Variants in SLC8A1 observed in about 807,000 individuals in gnomAD.
SLC8A1 encodes the protein solute carrier family 8 member A1, also known as sodium/calcium exchanger 1.
Under a neutral mutation model 68.3 loss-of-function variants are expected in SLC8A1, and 18 were observed. The observed-to-expected ratio is 0.26, with a 90% CI of 0.18 to 0.39. SLC8A1 has a LOEUF of 0.39. SLC8A1 is among the 10% of genes least tolerant of loss of function. The pLI is 1.00. For synonymous variants in SLC8A1, 475 were observed against 415.5 expected (o/e 1.14, Z -1.74); for missense variants, 985 against 1,156.7 (o/e 0.85, Z 2.15).
chr2:40,327,398 G>C (rs1035624285), intron 2 of SLC8A1, among the ~76,000 whole-genome samples: 1 of 152,128 alleles, frequency 6.6e-6, no homozygotes, highest in South Asian at 2.1e-4. Flanking sequence ...AGTCCCAAAA[G>C]AGGCATTATG....
intron 2 of SLC8A1, among the ~76,000 whole-genome samples, chr2:40,291,903 C>CTTTTTTTT (rs75778511): frequency 7.2e-6 from 1 of 138,242 alleles, no homozygotes; most frequent in South Asian, 2.3e-4. Context: ...GACATCTTTA[C>CTTTTTTTT]TTTTTTTTTT....
intron 2 of SLC8A1, among the ~76,000 whole-genome samples, chr2:40,394,103 C>G (rs1315498583): frequency 1.3e-5 from 2 of 152,014 alleles, no homozygotes; most frequent in Non-Finnish European, 2.9e-5. Context: ...CAGTAGTGCA[C>G]AGGACAGCCC....
At chr2:40,100,949 C>G (rs2033855599) in exon 8 of SLC8A1, 1 of 152,138 alleles carries the variant, frequency 6.6e-6, no homozygotes, top group African/African-American at 2.4e-5. Flanking sequence ...GTTAAGCTTA[C>G]ATTTCCAGCC....
intron 2 of SLC8A1, among the ~76,000 whole-genome samples, chr2:40,315,502 T>C (rs2074323866): frequency 1.3e-5 from 2 of 151,356 alleles, no homozygotes; most frequent in African/African-American, 4.8e-5. Flanking sequence ...TGTATCTATA[T>C]TTGCTACATC....
intron 2 of SLC8A1, among the ~76,000 whole-genome samples, chr2:40,362,262 T>C (rs905860173): frequency 4.0e-5 from 6 of 151,606 alleles, no homozygotes; most frequent in Non-Finnish European, 4.4e-5. Flanking sequence ...GTCTAATAGG[T>C]ACTGGAAAAT....
At chr2:40,264,865 A>C (rs1047678540) in intron 2 of SLC8A1, among the ~76,000 whole-genome samples, 7 of 152,092 alleles carry the variant, frequency 4.6e-5, no homozygotes, top group Non-Finnish European at 7.4e-5. Flanking sequence ...AATAGAGCAC[A>C]CATGTCATTA....
At chr2:40,130,475 G>C (rs2148197803) in intron 7 of SLC8A1, among the ~76,000 whole-genome samples, 1 of 152,366 alleles carries the variant, frequency 6.6e-6, no homozygotes, top group South Asian at 2.1e-4. Context: ...CCTGTGGAAA[G>C]CCATTTGAGT....
chr2:40,430,188 G>A (rs1257851283), exon 2 of SLC8A1: 1 of 1,613,588 alleles, frequency 6.2e-7, no homozygotes, highest in South Asian at 1.1e-5. Flanking sequence ...CAATTACATG[G>A]TCCACATGGG....
At chr2:40,180,800 G>T (rs1212358891) in intron 2 of SLC8A1, among the ~76,000 whole-genome samples, 1 of 152,212 alleles carries the variant, frequency 6.6e-6, no homozygotes, top group Admixed American at 6.5e-5. Context: ...GGGGATGGTA[G>T]AAGTAGCCTT....
chr2:40,288,802 A>G (rs1048337102), intron 2 of SLC8A1, among the ~76,000 whole-genome samples: 2 of 149,994 alleles, frequency 1.3e-5, no homozygotes. Flanking sequence ...CTTAAAAAAT[A>G]CTTTACTTCG....
At chr2:40,262,505 C>T (rs192654289) in intron 2 of SLC8A1, among the ~76,000 whole-genome samples, 20 of 152,146 alleles carry the variant, frequency 1.3e-4, no homozygotes, top group Admixed American at 2.0e-4. Context: ...AACAAATGAG[C>T]GAAATTCTAA....
intron 1 of SLC8A1, among the ~76,000 whole-genome samples, chr2:40,503,478 A>C (rs990296126): frequency 6.6e-6 from 1 of 152,022 alleles, no homozygotes; most frequent in Non-Finnish European, 1.5e-5. Flanking sequence ...CAACAGAAGG[A>C]TATAAAGGGC....
rs200438988 is a variant in SLC8A1, at chr2:40,325,299, G to T, written c.1808+103174C>A. On this transcript the variant is annotated intron_variant, in intron 2 of 7. Coordinates refer to ENST00000406785, the Ensembl canonical transcript of SLC8A1. ...ATACTTGACCTTTTGAGGTAGGGCA[G>T]GAAGAGAATGTTTCTTGAGAGGGCT... Among the ~76,000 whole-genome samples the T allele has an allele frequency of 5.9e-5, 9 of 152,256 alleles. No homozygotes were observed. In the East Asian group the frequency reaches 1.7e-3, roughly 30 times the overall value.
chr2:40,215,335 T>G (rs2057293402), intron 2 of SLC8A1, among the ~76,000 whole-genome samples: 1 of 152,004 alleles, frequency 6.6e-6, no homozygotes, highest in Non-Finnish European at 1.5e-5. Flanking sequence ...CCAACTAATT[T>G]TTTAAAAAAT....
intron 1 of SLC8A1, among the ~76,000 whole-genome samples, chr2:40,467,308 G>A (rs1215372695): frequency 6.6e-6 from 1 of 152,066 alleles, no homozygotes; most frequent in African/African-American, 2.4e-5. Flanking sequence ...GAGCACTGAT[G>A]TATATGAACT....
At chr2:40,141,534 G>T (rs986091078) in intron 6 of SLC8A1, among the ~76,000 whole-genome samples, 22 of 152,348 alleles carry the variant, frequency 1.4e-4, no homozygotes, top group African/African-American at 4.6e-4. Context: ...GAACTCCCCA[G>T]TGAGGAGCTT....
intron 1 of SLC8A1, among the ~76,000 whole-genome samples, chr2:40,495,767 C>T (rs1025613121): frequency 6.6e-6 from 1 of 151,996 alleles, no homozygotes; most frequent in African/African-American, 2.4e-5. Context: ...AGGATTGGAA[C>T]TTGTAGCCAG....
At chr2:40,223,972 A>G (rs2058665285) in intron 2 of SLC8A1, among the ~76,000 whole-genome samples, 1 of 152,122 alleles carries the variant, frequency 6.6e-6, no homozygotes, top group Admixed American at 6.6e-5. Context: ...TCCAAAAATT[A>G]GAGCAGACCT....
chr2:40,504,988 G>C (rs1706276134), intron 1 of SLC8A1, among the ~76,000 whole-genome samples: 1 of 151,840 alleles, frequency 6.6e-6, no homozygotes, highest in Non-Finnish European at 1.5e-5. Context: ...ATCAATATAT[G>C]GAAGTGATAT....
Sources: gnomAD v4.1 joint callset for allele counts (sites outside exome capture counted in the v4.1 genomes callset) on GRCh38, gnomAD v4.1.1 for gene constraint, MANE v1.5 for transcripts, NCBI Gene and HGNC (gene_info 2026-07-23, HGNC 2026-07-21) for gene names.